USP40: variants seen among roughly 807,000 people sequenced by gnomAD.
The protein encoded by USP40 is ubiquitin carboxyl-terminal hydrolase 40.
A neutral mutation model predicts 166.2 loss-of-function variants in USP40; 143 were observed. The ratio of observed to expected loss-of-function variants is 0.86; its 90% CI spans 0.75 to 0.99. USP40 has a LOEUF of 0.99. Ranked by LOEUF, USP40 falls within the 50% of genes least tolerant of loss-of-function variation. The pLI is 0.00. For synonymous variants in USP40, 498 were observed against 524.0 expected, an observed-to-expected ratio of 0.95 and a Z score of 0.68; for missense variants, 1,444 against 1,479.7, an observed-to-expected ratio of 0.98 and a Z score of 0.40.
chr2:233,540,200 G>C (rs1227721307), intron 10 of USP40, among the ~76,000 whole-genome samples: 1 of 149,330 alleles, frequency 6.7e-6, no homozygotes, highest in Non-Finnish European at 1.5e-5. Context: ...AAAAAGGTGA[G>C]AAAATAAAAA....
chr2:233,502,012 G>C (rs1421215295), intron 21 of USP40, among the ~76,000 whole-genome samples: 1 of 152,198 alleles, frequency 6.6e-6, no homozygotes, highest in African/African-American at 2.4e-5. Flanking sequence ...TCAAAGAATA[G>C]AGTCATCAGG....
chr2:233,500,798 C>A (rs1011786147), intron 21 of USP40, among the ~76,000 whole-genome samples: 10 of 152,120 alleles, frequency 6.6e-5, no homozygotes, highest in African/African-American at 2.4e-4. Flanking sequence ...AAAGAAATCA[C>A]AGAAGCAAAG....
intron 22 of USP40, 120 bp downstream of exon 22, chr2:233,499,759 A>T (rs1264654322): frequency 9.2e-6 from 7 of 758,546 alleles, no homozygotes; most frequent in African/African-American, 8.9e-5. Flanking sequence ...GGAAGTGTAA[A>T]CTACTTTTTA....
At position 233,556,461 on chromosome 2, in the gene USP40, C is replaced by A. The variant is rs190548346; in HGVS notation, c.546+394G>T. On this transcript the variant is annotated intron_variant, in intron 5 of 31. Transcript: ENST00000678225. ...ATAAACTAAATCCCATATTTAATTA[C>A]AAATGTTTGTCAAATTAAACACTCC... The A allele has an allele frequency of 1.9e-3, 286 of 152,878 alleles. 1 individual carries two copies. Among genetic ancestry groups the A allele is most frequent in the Middle Eastern group, 3.4e-3 (1 of 294 alleles). 9.5% of individuals were successfully genotyped at this position (152,878 alleles called of 1,614,324 possible).
chr2:233,518,955 C>T (rs982570052), intron 18 of USP40, among the ~76,000 whole-genome samples: 8 of 152,134 alleles, frequency 5.3e-5, no homozygotes, highest in Admixed American at 2.0e-4. Flanking sequence ...GCTATTGATA[C>T]GTACTAAATC....
chr2:233,553,870 G>A lies in USP40; in HGVS notation c.693+510C>T, dbSNP rs569572075. On this transcript the variant is annotated intron_variant, in intron 6 of 31. Coordinates refer to ENST00000678225, the MANE Select transcript of USP40 (RefSeq NM_001365479.2). ...CTTTTGTCTTATATTTTGCTTGACT[G>A]TACAGAAAGAAAATCAGAAGTATTC... Among the ~76,000 whole-genome samples, 5 of 152,236 alleles carry A rather than the reference G, an allele frequency of 3.3e-5. No homozygotes were observed. In the South Asian group the frequency reaches 8.3e-4, roughly 25 times the overall value.
chr2:233,515,261 T>A (rs571422879), intron 18 of USP40, among the ~76,000 whole-genome samples: 1 of 152,346 alleles, frequency 6.6e-6, no homozygotes, highest in South Asian at 2.1e-4. Context: ...AGACGTAGAA[T>A]TGGTAAGTGG....
intron 26 of USP40, 46 bp from the exon 27 acceptor site, chr2:233,489,529 C>A: frequency 6.8e-7 from 1 of 1,462,116 alleles, no homozygotes; most frequent in South Asian, 1.3e-5. Flanking sequence ...AAAAAGCACT[C>A]TTCAAAACAT....
chr2:233,515,482 T>C (rs2067127273), intron 18 of USP40, among the ~76,000 whole-genome samples: 2 of 152,220 alleles, frequency 1.3e-5, no homozygotes, highest in African/African-American at 2.4e-5. Flanking sequence ...CATTTTTTCC[T>C]GTACTTACTG....
At chr2:233,531,848 T>A (rs1484987674) in intron 11 of USP40, among the ~76,000 whole-genome samples, 2 of 152,210 alleles carry the variant, frequency 1.3e-5, no homozygotes, top group African/African-American at 4.8e-5. Flanking sequence ...GAGCGGACTT[T>A]GAGAAGTGAT....
Position 233,475,951 on chromosome 2 carries a change from G to C in USP40, c.*1441C>G, listed in dbSNP as rs1345092269. 6.6e-6 allele frequency: 1 copy of C among 152,374 alleles called. No individual in the cohort carries two copies. The highest frequency in any genetic ancestry group is 2.4e-5 in the African/African-American group (1 of 41,458). 9.4% of individuals were successfully genotyped at this position (152,374 alleles called of 1,614,324 possible). ...CAAAGACGCAGTCTACACCCAGTGC[G>C]AGTCTCCTGAGCGGGGTTAGTGTTT... On this transcript the variant is annotated 3_prime_UTR_variant, in exon 32 of 32. Coordinates refer to ENST00000678225, the MANE Select transcript of USP40 (RefSeq NM_001365479.2).
intron 11 of USP40, among the ~76,000 whole-genome samples, chr2:233,530,745 T>C (rs183355889): frequency 3.0e-4 from 46 of 152,366 alleles, no homozygotes; most frequent in Non-Finnish European, 4.7e-4. Flanking sequence ...CTTCTTTTTG[T>C]AAATTGCTTA....
chr2:233,565,963 C>G lies in USP40; in HGVS notation c.-19-390G>C, dbSNP rs529166811. ...TTTTAAAAAAGAAAACCTGTTGCCA[C>G]AACTAATCCACTGCTGGGACGGCAA... On this transcript the variant is annotated intron_variant, in intron 1 of 31. Transcript: ENST00000678225. Among the ~76,000 whole-genome samples, 19 of 151,488 alleles carry G rather than the reference C, an allele frequency of 1.3e-4. No homozygotes were observed. In the East Asian group the frequency reaches 3.7e-3, roughly 29 times the overall value.
At chr2:233,529,016 T>C (rs1313263882) in intron 12 of USP40, among the ~76,000 whole-genome samples, 2 of 152,172 alleles carry the variant, frequency 1.3e-5, no homozygotes, top group Non-Finnish European at 2.9e-5. Flanking sequence ...CTTTTGAAAA[T>C]CTGCCCACCA....
rs2070547301 is a variant in USP40 at position 233,551,418 on chromosome 2, A to G, written c.795T>C (p.Tyr265=). The G allele has an allele frequency of 6.2e-7, 1 of 1,612,802 alleles. No individual in the cohort carries two copies. The highest frequency in any genetic ancestry group is 1.3e-5 in the African/African-American group (1 of 75,014). ...TGAGATTAATCCGGAGAGGGAATGT[A>G]TAACAGCTAGTTTCCTTGTAGCGTT... The part of the protein sequence containing the change: ...KCERYKETSC[Y]TFPLRINLKP... The change falls in exon 7 of 32, where the codon TAT becomes TAC. Residue 265 remains tyrosine, a synonymous_variant. Coordinates refer to ENST00000678225, the MANE Select transcript of USP40 (RefSeq NM_001365479.2).
chr2:233,517,661 A>G (rs566182061), intron 18 of USP40, among the ~76,000 whole-genome samples: 1 of 152,280 alleles, frequency 6.6e-6, no homozygotes, highest in South Asian at 2.1e-4. Flanking sequence ...TGCTGGGATT[A>G]CAGGCGTGAG....
intron 18 of USP40, among the ~76,000 whole-genome samples, chr2:233,514,050 C>T (rs2067009638): frequency 6.6e-6 from 1 of 152,180 alleles, no homozygotes; most frequent in African/African-American, 2.4e-5. Flanking sequence ...AAAGAGTTCC[C>T]CAACTTAAAA....
rs1447279042 is a variant in USP40, at chr2:233,480,579, C to T, written c.3599+624G>A. On this transcript the variant is annotated intron_variant, in intron 31 of 31. Coordinates refer to ENST00000678225, the MANE Select transcript of USP40 (RefSeq NM_001365479.2). The surrounding 1 kb of genome is among the most constrained non-coding windows in gnomAD (Gnocchi z 4.5). ...TGACTGCAAGCAGCACCTGCTTCCT[C>T]CAGTGGCAGTAAGTGCAGAGCCAGA... is the stretch of plus-strand genomic sequence containing the variant. Among the ~76,000 whole-genome samples, 1 of 152,244 alleles carries T rather than the reference C, an allele frequency of 6.6e-6. No individual in the cohort carries two copies. The highest frequency in any genetic ancestry group is 2.4e-5 in the African/African-American group (1 of 41,468).
At chr2:233,482,128 ATGTCG>A (rs573060629) in intron 30 of USP40, among the ~76,000 whole-genome samples, 23 of 152,338 alleles carry the variant, frequency 1.5e-4, no homozygotes, top group East Asian at 7.7e-4. Flanking sequence ...TGCTAGGAAC[ATGTCG>A]TGTCAAGTAT....
Sources: allele counts gnomAD v4.1 joint callset (sites outside exome capture counted in the v4.1 genomes callset), GRCh38; gene constraint gnomAD v4.1.1; non-coding constraint Gnocchi (gnomAD v3.1); transcripts MANE v1.5; gene names NCBI Gene and HGNC (gene_info 2026-07-23, HGNC 2026-07-21).